Variants in MRC1 observed in about 807,000 individuals in gnomAD.
The protein encoded by MRC1 is macrophage mannose receptor 1.
In MRC1, 62 loss-of-function variants were observed where a neutral mutation model predicts 102.9. The ratio of observed to expected loss-of-function variants is 0.60; its 90% confidence interval spans 0.49 to 0.74. The LOEUF (loss-of-function observed/expected upper bound fraction) is 0.74, where lower values mean the gene tolerates loss of function less well. Ranked by LOEUF, MRC1 falls within the 30% of genes least tolerant of loss-of-function variation. The pLI is 0.00. For missense variants in MRC1, 1,237 were observed against 862.8 expected (o/e 1.43, Z -5.43); for synonymous variants, 457 against 298.4 (o/e 1.53, Z -5.48).
At chr10:17,846,480 G>T (rs1273281492) in intron 6 of MRC1, among the ~76,000 whole-genome samples, 1 of 152,104 alleles carries the variant, frequency 6.6e-6, no homozygotes, top group Non-Finnish European at 1.5e-5. Context: ...GCAATTTCAT[G>T]TATTTTAAAA....
chr10:17,901,184 A>G (rs1833824143), intron 25 of MRC1, among the ~76,000 whole-genome samples: 1 of 152,186 alleles, frequency 6.6e-6, no homozygotes, highest in Non-Finnish European at 1.5e-5. Flanking sequence ...TTGACAACAC[A>G]TCTATATCAA....
intron 14 of MRC1, among the ~76,000 whole-genome samples, chr10:17,871,245 G>A (rs1427481963): frequency 3.9e-5 from 6 of 152,112 alleles, no homozygotes; most frequent in Non-Finnish European, 7.4e-5. Context: ...AGCCCTAGTC[G>A]TCACAAGAAG....
At chr10:17,848,404 T>G (rs1467540965) in intron 6 of MRC1, among the ~76,000 whole-genome samples, 1 of 152,206 alleles carries the variant, frequency 6.6e-6, no homozygotes, top group Non-Finnish European at 1.5e-5. Flanking sequence ...TGTGCCAGGC[T>G]CAAGGCAATA....
At chr10:17,822,673 T>G (rs1838414116) in intron 1 of MRC1, among the ~76,000 whole-genome samples, 1 of 152,172 alleles carries the variant, frequency 6.6e-6, no homozygotes, top group African/African-American at 2.4e-5. Flanking sequence ...TGCATTTAAT[T>G]TTACAGTTTA....
At chr10:17,823,754 A>C (rs1838433205) in intron 2 of MRC1, among the ~76,000 whole-genome samples, 1 of 152,172 alleles carries the variant, frequency 6.6e-6, no homozygotes, top group African/African-American at 2.4e-5. Flanking sequence ...TATGGGCTAC[A>C]TTTTTCAGAA....
chr10:17,827,826 A>T lies in MRC1; in HGVS notation c.637+111A>T, dbSNP rs1589166629. On this transcript the variant is annotated intron_variant, in intron 3 of 29. Transcript: ENST00000569591. ...TCCCCAAAGTTATTTCACATTTACG[A>T]CCTCATTGTACCTACTACAGCCCTT... 8.2e-6 allele frequency: 6 copies of T among 734,794 alleles called. No individual in the cohort carries two copies. The East Asian group carries it at 1.2e-4, about 15-fold the overall frequency. The allele number at this position is 734,794 out of a possible 1,614,324, so 45.5% of individuals were successfully genotyped here. A position where few individuals can be genotyped will look rare whatever the true frequency, so the allele number is the denominator to read the frequency against.
chr10:17,897,445 G>T (rs930634930), intron 23 of MRC1, among the ~76,000 whole-genome samples: 3 of 152,104 alleles, frequency 2.0e-5, no homozygotes, highest in Non-Finnish European at 4.4e-5. Flanking sequence ...CATAGGCGAA[G>T]GGCATAGAAA....
At chr10:17,868,021 T>C (rs1162594756) in intron 12 of MRC1, among the ~76,000 whole-genome samples, 1 of 152,178 alleles carries the variant, frequency 6.6e-6, no homozygotes, top group Non-Finnish European at 1.5e-5. Flanking sequence ...ATTCATTTTC[T>C]CCTTATGCAA....
At chr10:17,907,398 T>G (rs1833910126) in intron 27 of MRC1, 136 bp from the exon 28 acceptor site, 1 of 699,740 alleles carries the variant, frequency 1.4e-6, no homozygotes, top group Non-Finnish European at 2.6e-6. Context: ...TAGTCTTGCC[T>G]GTTAAGTCTG....
At position 17,849,559 on chromosome 10, in the gene MRC1, A is replaced by ACC. The variant is rs781984978; in HGVS notation, c.1064-15_1064-14dup. ...TCAAATCTTTTAAAATTTTTTTCCGACCCCCCTTTTTGTTTCTAGAAAGTG... is the reference window on the plus strand; with the variant it reads ...TCAAATCTTTTAAAATTTTTTTCCGACCCCCCCCTTTTTGTTTCTAGAAAGTG... On this transcript the variant is annotated intron_variant, in intron 6 of 29. Transcript: ENST00000569591. The ACC allele has an allele frequency of 5.3e-5, 41 of 774,084 alleles. No homozygotes were observed. Among genetic ancestry groups the ACC allele is most frequent in the East Asian group, 4.1e-4 (17 of 41,158 alleles). The allele number at this position is 774,084 out of a possible 1,614,324, so 48.0% of individuals were successfully genotyped here.
intron 8 of MRC1, among the ~76,000 whole-genome samples, chr10:17,855,280 C>T (rs921462108): frequency 9.2e-5 from 14 of 152,112 alleles, no homozygotes; most frequent in South Asian, 2.1e-4. Flanking sequence ...TTGATGAAGA[C>T]GCTGCATGCG....
rs1057512001 is a variant in MRC1, at chr10:17,844,601, A to G, written c.917-688A>G. 4.5e-3 allele frequency among the ~76,000 whole-genome samples: 693 copies of G among 152,344 alleles called. 18 individuals carry two copies. Among genetic ancestry groups the G allele is most frequent in the Admixed American group, 0.038 (578 of 15,298 alleles). ...ATTCTACTTGTAGATTCAGAGATAC[A>G]TGTACACGGTTGTTACATACCTAGG... On this transcript the variant is annotated intron_variant, in intron 5 of 29. Transcript: ENST00000569591.
intron 1 of MRC1, among the ~76,000 whole-genome samples, chr10:17,811,747 T>C (rs1444672201): frequency 6.6e-6 from 1 of 151,984 alleles, no homozygotes; most frequent in East Asian, 1.9e-4. Context: ...TTTTTAATTT[T>C]TTTTATTTTT....
At chr10:17,871,725 C>T (rs2130677394) in intron 14 of MRC1, among the ~76,000 whole-genome samples, 1 of 152,176 alleles carries the variant, frequency 6.6e-6, no homozygotes, top group South Asian at 2.1e-4. Context: ...CCCTTGGATC[C>T]ATTCTATTTA....
chr10:17,827,428 G>A (rs967138197), intron 2 of MRC1, 114 bp from the exon 3 acceptor site: 10 of 479,390 alleles, frequency 2.1e-5, no homozygotes, highest in Non-Finnish European at 3.6e-5. Context: ...CTCTGTGGGT[G>A]CATCAAGTGT....
chr10:17,831,887 C>G (rs1413500678), intron 3 of MRC1, among the ~76,000 whole-genome samples: 2 of 151,510 alleles, frequency 1.3e-5, no homozygotes, highest in African/African-American at 4.9e-5. Context: ...AGAGTACAAC[C>G]AGGTTTATGG....
intron 5 of MRC1, among the ~76,000 whole-genome samples, chr10:17,844,922 T>TA (rs1430147199): frequency 6.6e-6 from 1 of 152,216 alleles, no homozygotes; most frequent in African/African-American, 2.4e-5. Flanking sequence ...CATTTTTTTT[T>TA]ATGGCGGCAT....
intron 21 of MRC1, among the ~76,000 whole-genome samples, chr10:17,884,852 G>C (rs978219407): frequency 5.3e-5 from 8 of 152,202 alleles, no homozygotes; most frequent in African/African-American, 1.9e-4. Context: ...TCTGGGTTAA[G>C]AGTCCTTTGT....
At chr10:17,892,177 C>T (rs1554843167) in intron 22 of MRC1, among the ~76,000 whole-genome samples, 2 of 152,168 alleles carry the variant, frequency 1.3e-5, no homozygotes, top group African/African-American at 4.8e-5. Context: ...TTTCCCACCT[C>T]TCCTGTTGGA....
Sources: gnomAD v4.1 joint callset for allele counts (sites outside exome capture counted in the v4.1 genomes callset) on GRCh38, gnomAD v4.1.1 for gene constraint, MANE v1.5 for transcripts, NCBI Gene and HGNC (gene_info 2026-07-23, HGNC 2026-07-21) for gene names.